The following MARCHF6 variants were observed in gnomAD, a reference collection of about 807,000 sequenced individuals.
The protein encoded by MARCHF6 is membrane associated ring-CH-type finger 6, also known as E3 ubiquitin-protein ligase MARCHF6.
MARCHF6 carries 31 observed loss-of-function variants against 133.7 expected under a neutral mutation model. The ratio of observed to expected loss-of-function variants is 0.23; its 90% confidence interval spans 0.17 to 0.31. MARCHF6 has a LOEUF of 0.31. MARCHF6 is among the 10% of genes least tolerant of loss of function. The pLI is 1.00. For synonymous variants in MARCHF6, 395 were observed against 402.5 expected, an observed-to-expected ratio of 0.98 and a Z score of 0.22; for missense variants, 723 against 1,121.6, an observed-to-expected ratio of 0.64 and a Z score of 5.08.
chr5:10,414,544 G>T, intron 20 of MARCHF6, 42 bp downstream of exon 20: 1 of 1,471,986 alleles, frequency 6.8e-7, no homozygotes, highest in Non-Finnish European at 9.5e-7. Flanking sequence ...CATCATTAAG[G>T]TTATTTATTT....
At chr5:10,399,555 G>A (rs1381801059) in intron 10 of MARCHF6, among the ~76,000 whole-genome samples, 2 of 150,742 alleles carry the variant, frequency 1.3e-5, no homozygotes. Context: ...AAGACTTGAG[G>A]AAAAAGAAGA....
intron 5 of MARCHF6, among the ~76,000 whole-genome samples, chr5:10,387,447 C>T (rs1737550107): frequency 6.6e-6 from 1 of 151,968 alleles, no homozygotes; most frequent in Admixed American, 6.6e-5. Flanking sequence ...GGATTACAGG[C>T]ACTCGCCAGC....
chr5:10,410,159 T>TGTC lies in MARCHF6; in HGVS notation c.1575_1577dup (p.Ser526dup), dbSNP rs1325032315. 1.2e-6 allele frequency: 2 copies of TGTC among 1,614,016 alleles called. No homozygotes were observed. Among genetic ancestry groups the TGTC allele is most frequent in the African/African-American group, 2.7e-5 (2 of 74,934 alleles). On this transcript the variant is annotated inframe_insertion, in exon 18 of 26. Coordinates refer to ENST00000274140, the MANE Select transcript of MARCHF6 (RefSeq NM_005885.4). ...TTCAGTGATGCTCCAGTGAGTGAAC[T>TGTC]GTCCCTCGAGCTGCTTCTGCTTCAG... is the stretch of plus-strand genomic sequence containing the variant.
At chr5:10,408,084 T>C (rs1401375307) in intron 17 of MARCHF6, among the ~76,000 whole-genome samples, 1 of 152,110 alleles carries the variant, frequency 6.6e-6, no homozygotes, top group African/African-American at 2.4e-5. Context: ...GCAAATTGGA[T>C]TATTTCCTCA....
rs1456308890 is a variant in MARCHF6, at chr5:10,402,300, C to CA, written c.1054-78dup. On this transcript the variant is annotated intron_variant, in intron 12 of 25. Coordinates refer to ENST00000274140, the MANE Select transcript of MARCHF6 (RefSeq NM_005885.4). The stretch of plus-strand genomic sequence containing the variant: ...AAAATGTGAAATAAATTAATTCTGT[C>CA]AAAAAATACTAAATGTTGGCTAAGT... 11 of 1,312,430 alleles carry CA rather than the reference C, an allele frequency of 8.4e-6. No individual in the cohort carries two copies. In the East Asian group the frequency reaches 2.5e-4, roughly 30 times the overall value. 81.3% of individuals were successfully genotyped at this position (1,312,430 alleles called of 1,614,324 possible).
At chr5:10,376,500 A>G (rs1736788041) in intron 1 of MARCHF6, among the ~76,000 whole-genome samples, 2 of 152,374 alleles carry the variant, frequency 1.3e-5, no homozygotes, top group South Asian at 4.1e-4. Flanking sequence ...CAGTGAGACC[A>G]AGAACCCACT....
chr5:10,417,779 A>AT (rs1739597650), intron 22 of MARCHF6, among the ~76,000 whole-genome samples: 1 of 150,542 alleles, frequency 6.6e-6, no homozygotes, highest in East Asian at 1.9e-4. Flanking sequence ...ATTTTAGGTG[A>AT]TTTTAAGCAG....
intron 25 of MARCHF6, among the ~76,000 whole-genome samples, chr5:10,430,302 G>A (rs1364277050): frequency 6.8e-6 from 1 of 147,682 alleles, no homozygotes; most frequent in African/African-American, 2.5e-5. Context: ...TTTTTTGGTG[G>A]TGGTTTTTTT....
At chr5:10,431,839 AGT>A (rs1453460163) in intron 25 of MARCHF6, among the ~76,000 whole-genome samples, 1 of 152,084 alleles carries the variant, frequency 6.6e-6, no homozygotes, top group Non-Finnish European at 1.5e-5. Context: ...CCATATTTTT[AGT>A]GTATCTTGCT....
intron 4 of MARCHF6, among the ~76,000 whole-genome samples, chr5:10,382,949 C>G (rs1245527355): frequency 6.6e-6 from 1 of 152,054 alleles, no homozygotes; most frequent in Non-Finnish European, 1.5e-5. Flanking sequence ...CCCCCCTAAT[C>G]AATCCAAAGA....
chr5:10,374,603 A>G (rs2126681414), intron 1 of MARCHF6, among the ~76,000 whole-genome samples: 1 of 152,318 alleles, frequency 6.6e-6, no homozygotes, highest in East Asian at 1.9e-4. Context: ...GCTAGGACTC[A>G]AATTCTGGGC....
At chr5:10,375,177 A>T (rs1736696612) in intron 1 of MARCHF6, among the ~76,000 whole-genome samples, 1 of 152,134 alleles carries the variant, frequency 6.6e-6, no homozygotes, top group Admixed American at 6.5e-5. Flanking sequence ...GCGAGCGGGA[A>T]CTGGGGCTGC....
At chr5:10,369,482 A>T (rs80170040) in intron 1 of MARCHF6, among the ~76,000 whole-genome samples, 214 of 152,040 alleles carry the variant, frequency 1.4e-3, no homozygotes, top group Non-Finnish European at 2.0e-3. Flanking sequence ...AGGCCTGTCG[A>T]TTTCATTTTT....
chr5:10,412,851 G>A (rs1579602767), intron 19 of MARCHF6, among the ~76,000 whole-genome samples: 1 of 152,182 alleles, frequency 6.6e-6, no homozygotes. Context: ...CTGGAATACA[G>A]GTGTAAGCCA....
rs374200843 is a variant in MARCHF6 at position 10,375,544 on chromosome 5, C to T, written c.20-2254C>T. On this transcript the variant is annotated intron_variant, in intron 1 of 25. Coordinates refer to ENST00000274140, the MANE Select transcript of MARCHF6 (RefSeq NM_005885.4). ...CCACCCAAGGGCTGAGGAGTGCCAGCGCATGGCGCGGGACTGGCAGGCAGC... is the reference window on the plus strand; with the variant it reads ...CCACCCAAGGGCTGAGGAGTGCCAGTGCATGGCGCGGGACTGGCAGGCAGC... Among the ~76,000 whole-genome samples the T allele has an allele frequency of 3.2e-4, 48 of 152,380 alleles. No individual in the cohort carries two copies. In the East Asian group the frequency reaches 3.3e-3, roughly 10 times the overall value.
At chr5:10,432,071 G>A (rs1307549152) in intron 25 of MARCHF6, among the ~76,000 whole-genome samples, 2 of 152,146 alleles carry the variant, frequency 1.3e-5, no homozygotes, top group Admixed American at 6.5e-5. Context: ...TAAGATTAGC[G>A]TACTTTTAAA....
chr5:10,424,039 T>A (rs1190683739), intron 23 of MARCHF6, among the ~76,000 whole-genome samples: 1 of 152,148 alleles, frequency 6.6e-6, no homozygotes, highest in Non-Finnish European at 1.5e-5. Context: ...TTGTTTTTTT[T>A]AGTTAAAATG....
chr5:10,427,223 T>C (rs546294670), intron 24 of MARCHF6, among the ~76,000 whole-genome samples: 2 of 152,368 alleles, frequency 1.3e-5, no homozygotes, highest in East Asian at 1.9e-4. Flanking sequence ...TCCTGACTTT[T>C]GTTGAGTCAT....
intron 23 of MARCHF6, among the ~76,000 whole-genome samples, chr5:10,425,050 A>G (rs369110860): frequency 2.5e-4 from 38 of 150,498 alleles, no homozygotes; most frequent in African/African-American, 9.3e-4. Flanking sequence ...CCAGTGCCAC[A>G]TAAGTAAGAC....
Sources: gnomAD v4.1 joint callset for allele counts (sites outside exome capture counted in the v4.1 genomes callset) on GRCh38, gnomAD v4.1.1 for gene constraint, MANE v1.5 for transcripts, NCBI Gene and HGNC (gene_info 2026-07-23, HGNC 2026-07-21) for gene names.